Variants in UTY observed in about 807,000 individuals in gnomAD.
UTY encodes the protein histone demethylase UTY.
Under a neutral mutation model 32.5 loss-of-function variants are expected in UTY, and 12 were observed. The ratio of observed to expected loss-of-function variants is 0.37; its 90% CI spans 0.24 to 0.60. The LOEUF is 0.60. UTY is among the 20% of genes least tolerant of loss of function. The pLI, the probability that UTY is intolerant of heterozygous loss-of-function variation, is 0.69. For synonymous variants in UTY, 131 were observed against 103.4 expected (o/e 1.27, Z -1.62); for missense variants, 303 against 299.2 (o/e 1.01, Z -0.09).
chrY:13,429,678 T>G, intron 4 of UTY, among the ~76,000 whole-genome samples: 1 of 32,720 alleles, frequency 3.1e-5, no homozygotes, highest in Non-Finnish European at 7.5e-5. Context: ...TGATTACTGC[T>G]CCACCCTGAC....
At chrY:13,298,559 C>T in intron 26 of UTY, among the ~76,000 whole-genome samples, 1 of 31,601 alleles carries the variant, frequency 3.2e-5, no homozygotes, top group Non-Finnish European at 7.7e-5. Flanking sequence ...TCAAGACAAT[C>T]CTGGCTAACA....
intron 27 of UTY, among the ~76,000 whole-genome samples, chrY:13,270,152 G>A (rs747770728): frequency 3.0e-5 from 1 of 33,788 alleles, no homozygotes; most frequent in Non-Finnish European, 7.4e-5. Context: ...AGTAATCAAG[G>A]AAATGACTGT....
intron 4 of UTY, among the ~76,000 whole-genome samples, chrY:13,433,477 T>A: frequency 3.0e-5 from 1 of 33,506 alleles, no homozygotes; most frequent in South Asian, 6.6e-4. Flanking sequence ...GGACCACTGC[T>A]ATCTACGAGC....
chrY:13,311,313 C>T, intron 21 of UTY, among the ~76,000 whole-genome samples: 1 of 32,138 alleles, frequency 3.1e-5, no homozygotes, highest in Admixed American at 2.8e-4. Context: ...ATGAGCAATG[C>T]GGCCGGGCGC....
At chrY:13,412,025 T>C in intron 5 of UTY, among the ~76,000 whole-genome samples, 1 of 33,747 alleles carries the variant, frequency 3.0e-5, no homozygotes, top group Non-Finnish European at 7.3e-5. Flanking sequence ...TTTGTTCAAA[T>C]GCTATCATAC....
At position 13,260,410 on chromosome Y, in the gene UTY, G is replaced by A. The variant is rs765529038; in HGVS notation, c.4011-6C>T. ...GAATTTTCAAAAGACAATACCTATT[G>A]TGGGAAAAAACTATTTGTGAGAGTA... is the stretch of plus-strand genomic sequence containing the variant. On this transcript the variant is annotated splice_region_variant and splice_polypyrimidine_tract_variant and intron_variant, in intron 27 of 29. Transcript: ENST00000545955. 2.6e-6 allele frequency: 1 copy of A among 385,943 alleles called. No homozygotes were observed. Among genetic ancestry groups the A allele is most frequent in the South Asian group, 3.1e-5 (1 of 32,284 alleles).
At chrY:13,245,801 T>G, downstream of UTY, among the ~76,000 whole-genome samples, 1 of 33,791 alleles carries the variant, frequency 3.0e-5, no homozygotes, top group Non-Finnish European at 7.3e-5. Context: ...TGTTACTAAC[T>G]ACAAGAACAG....
Position 13,303,000 on chromosome Y carries a change from T to A in UTY, c.3566-9A>T. 3.4e-6 allele frequency: 1 copy of A among 290,816 alleles called. No individual in the cohort carries two copies. Among genetic ancestry groups the A allele is most frequent in the Non-Finnish European group, 5.3e-6 (1 of 190,428 alleles). The allele number at this position is 290,816 out of a possible 400,897, so 72.5% of individuals were successfully genotyped here. A position where few individuals can be genotyped will look rare whatever the true frequency, so the allele number is the denominator to read the frequency against. On this transcript the variant is annotated splice_polypyrimidine_tract_variant and intron_variant, in intron 24 of 29. Transcript: ENST00000545955. ...GTTATTTTCTTGGTGACCTGAAAAGTAAAAGAAAATGTAAGTCACAATTGT... is the reference window on the plus strand; with the variant it reads ...GTTATTTTCTTGGTGACCTGAAAAGAAAAAGAAAATGTAAGTCACAATTGT...
At position 13,364,349 on chromosome Y, in the gene UTY, T is replaced by C. The variant is rs745594212; in HGVS notation, c.866+1918A>G. Reference sequence around the variant, plus strand: ...GAATCCTCTCAAGAGTTAAGAAAAATTGAGATGTCAAGTAGTTTATTTATT... The same window carrying C: ...GAATCCTCTCAAGAGTTAAGAAAAACTGAGATGTCAAGTAGTTTATTTATT... On this transcript the variant is annotated intron_variant, in intron 10 of 29. Coordinates refer to ENST00000545955, the MANE Select transcript of UTY (RefSeq NM_001258249.2). 3.1e-4 allele frequency among the ~76,000 whole-genome samples: 10 copies of C among 32,237 alleles called. No homozygotes were observed. The South Asian group carries it at 6.0e-3, about 19-fold the overall frequency. The allele number at this position is 32,237 out of a possible 37,273, so 86.5% of individuals were successfully genotyped here. A position where few individuals can be genotyped will look rare whatever the true frequency, so the allele number is the denominator to read the frequency against.
At chrY:13,277,956 T>C (rs111884845) in intron 27 of UTY, among the ~76,000 whole-genome samples, 3,665 of 32,890 alleles carry the variant, frequency 0.11, no homozygotes, top group Non-Finnish European at 0.19. Context: ...GCAGCACTGC[T>C]TGCAGCTCTT....
At chrY:13,342,864 T>G in intron 17 of UTY, among the ~76,000 whole-genome samples, 2 of 33,581 alleles carry the variant, frequency 6.0e-5, no homozygotes, top group African/African-American at 2.3e-4. Context: ...AGAGACTGTT[T>G]GTAGCATTCC....
chrY:13,434,070 T>C lies in UTY; in HGVS notation c.375+14947A>G, dbSNP rs569822526. Among the ~76,000 whole-genome samples, 5 of 33,985 alleles carry C rather than the reference T, an allele frequency of 1.5e-4. No individual in the cohort carries two copies. In the South Asian group the frequency reaches 2.6e-3, roughly 17 times the overall value. 91.2% of individuals were successfully genotyped at this position (33,985 alleles called of 37,273 possible). A position where few individuals can be genotyped will look rare whatever the true frequency, so the allele number is the denominator to read the frequency against. On this transcript the variant is annotated intron_variant, in intron 4 of 29. Coordinates refer to ENST00000545955, the MANE Select transcript of UTY (RefSeq NM_001258249.2). Reference sequence around the variant, plus strand: ...GAATTCCACACTGGCAAACAGACAATAGAAAGAAAATTTCACAGAACTAGA... The same window carrying C: ...GAATTCCACACTGGCAAACAGACAACAGAAAGAAAATTTCACAGAACTAGA...
intron 3 of UTY, among the ~76,000 whole-genome samples, chrY:13,461,913 C>T: frequency 3.0e-5 from 1 of 33,468 alleles, no homozygotes; most frequent in Admixed American, 2.7e-4. Flanking sequence ...GAATTACAGG[C>T]ATGAGCCACC....
chrY:13,249,753 A>G lies in UTY; in HGVS notation c.*103T>C. The G allele has an allele frequency of 8.3e-6, 1 of 121,003 alleles. No individual in the cohort carries two copies. Among genetic ancestry groups the G allele is most frequent in the Non-Finnish European group, 1.5e-5 (1 of 64,901 alleles). The allele number at this position is 121,003 out of a possible 400,897, so 30.2% of individuals were successfully genotyped here. ...ATACTATTCTTGGAAGGTTGCATAG[A>G]CATAGCTTTTAGTCAACAGTTTTAT... On this transcript the variant is annotated 3_prime_UTR_variant, in exon 30 of 30. Coordinates refer to ENST00000545955, the MANE Select transcript of UTY (RefSeq NM_001258249.2).
At chrY:13,312,779 T>A (rs2059264623) in intron 21 of UTY, among the ~76,000 whole-genome samples, 1 of 32,424 alleles carries the variant, frequency 3.1e-5, no homozygotes, top group Non-Finnish European at 7.6e-5. Context: ...AGGAAAGTGT[T>A]CAATCATCAC....
At chrY:13,354,368 A>C in intron 17 of UTY, among the ~76,000 whole-genome samples, 1 of 31,215 alleles carries the variant, frequency 3.2e-5, no homozygotes, top group Non-Finnish European at 7.8e-5. Context: ...CCCATTGCAC[A>C]GGCTGGGCAA....
intron 27 of UTY, among the ~76,000 whole-genome samples, chrY:13,271,452 T>G (rs1044701549): frequency 9.0e-5 from 3 of 33,514 alleles, no homozygotes; most frequent in African/African-American, 3.5e-4. Flanking sequence ...GAAATTCAGG[T>G]ATACAAAAAA....
chrY:13,319,177 A>G, intron 21 of UTY, among the ~76,000 whole-genome samples: 1 of 33,834 alleles, frequency 3.0e-5, no homozygotes, highest in African/African-American at 1.2e-4. Flanking sequence ...TTTTTTTCCA[A>G]CAGAATATTC....
intron 28 of UTY, among the ~76,000 whole-genome samples, chrY:13,236,389 C>G (rs982564577): frequency 9.7e-5 from 3 of 30,964 alleles, no homozygotes; most frequent in African/African-American, 3.9e-4. Flanking sequence ...AAGAGAAAAT[C>G]TGAATAGTCT....
Sources: gnomAD v4.1 joint callset for allele counts (sites outside exome capture counted in the v4.1 genomes callset) on GRCh38, gnomAD v4.1.1 for gene constraint, MANE v1.5 for transcripts, NCBI Gene and HGNC (gene_info 2026-07-23, HGNC 2026-07-21) for gene names.